Variants in PRMT6 observed in about 807,000 individuals in gnomAD.
The protein encoded by PRMT6 is protein arginine N-methyltransferase 6.
A neutral mutation model predicts 30.5 loss-of-function variants in PRMT6; 23 were observed. The ratio of observed to expected loss-of-function variants is 0.75; its 90% CI spans 0.54 to 1.07. The LOEUF (loss-of-function observed/expected upper bound fraction) is 1.07, where lower values mean the gene tolerates loss of function less well. Among genes scored for constraint, PRMT6 ranks in the 50% least tolerant of loss-of-function variants. The pLI is 0.00. For missense variants in PRMT6, 528 were observed against 514.3 expected (o/e 1.03, Z -0.26); for synonymous variants, 265 against 228.0 (o/e 1.16, Z -1.46).
At position 107,057,738 on chromosome 1, in the gene PRMT6, C is replaced by A. The variant is rs1651764221; in HGVS notation, c.1023C>A (p.Ile341=). 1 of 1,614,076 alleles carries A rather than the reference C, an allele frequency of 6.2e-7. No individual in the cohort carries two copies. Among genetic ancestry groups the A allele is most frequent in the Non-Finnish European group, 8.5e-7 (1 of 1,180,018 alleles). The change falls in exon 1 of 1, where the codon ATC becomes ATA. Residue 341 remains isoleucine, a synonymous_variant. Transcript: ENST00000370078. The part of the protein sequence containing the change: ...VEQDTDVSGE[I]TLLPSRDNPR... ...AAGACACGGACGTTTCAGGAGAGATCACGCTGCTGCCCTCCCGGGACAACC... is the reference window on the plus strand; with the variant it reads ...AAGACACGGACGTTTCAGGAGAGATAACGCTGCTGCCCTCCCGGGACAACC...
rs1300288899 is a variant in PRMT6, at chr1:107,058,771, CT to C, written c.*929del. The C allele has an allele frequency of 2.4e-5, 4 of 167,082 alleles. No homozygotes were observed. The highest frequency in any genetic ancestry group is 9.6e-5 in the African/African-American group (4 of 41,456). The allele number at this position is 167,082 out of a possible 1,614,324, so 10.3% of individuals were successfully genotyped here. ...TTAATTAAGGAAAATATTTTCCCAG[CT>C]AGAAAAGTATACTCATTCTCATTTA... On this transcript the variant is annotated 3_prime_UTR_variant, in exon 1 of 1. Transcript: ENST00000370078.
chr1:107,056,900 C>G lies in PRMT6; in HGVS notation c.185C>G (p.Ala62Gly). Reference protein sequence around the residue: ...SDVSVHEEMIADRVRTDAYRL... With the variant: ...SDVSVHEEMIGDRVRTDAYRL... ...GTTTCGGTCCACGAGGAGATGATCG[C>G]GGACCGCGTCCGCACCGATGCCTAC... Residue 62 changes from alanine (A) to glycine (G), a missense_variant, in exon 1 of 1, where the codon GCG becomes GGG. Physicochemically the swap from Ala to Gly is moderately conservative, Grantham distance 60. Transcript: ENST00000370078. The G allele has an allele frequency of 6.2e-7, 1 of 1,612,826 alleles. No individual in the cohort carries two copies. The highest frequency in any genetic ancestry group is 8.5e-7 in the Non-Finnish European group (1 of 1,179,316).
chr1:107,057,221 C>T lies in PRMT6; in HGVS notation c.506C>T (p.Ser169Phe). 1 of 1,613,786 alleles carries T rather than the reference C, an allele frequency of 6.2e-7. No individual in the cohort carries two copies. Among genetic ancestry groups the T allele is most frequent in the South Asian group, 1.1e-5 (1 of 91,084 alleles). Residue 169 changes from serine (S) to phenylalanine (F), a missense_variant, in exon 1 of 1, where the codon TCC becomes TTC. Ser to Phe is a radical substitution (Grantham distance 155). Coordinates refer to ENST00000370078, the MANE Select transcript of PRMT6 (RefSeq NM_018137.3). ...YGLLHESMLS[S>F]VLHARTKWLK... ...CTCCTGCACGAGTCCATGCTGAGCT[C>T]CGTCCTCCACGCGCGAACCAAGTGG...
In PRMT6 at chr1:107,057,378, CCT is replaced by C. The variant is rs1651749884; in HGVS notation, c.664_665del (p.Leu222GlyfsTer197). 7.4e-6 allele frequency: 12 copies of C among 1,613,728 alleles called. No individual in the cohort carries two copies. The highest frequency in any genetic ancestry group is 1.0e-5 in the Non-Finnish European group (12 of 1,180,044). On this transcript the variant is annotated frameshift_variant, in exon 1 of 1. Coordinates refer to ENST00000370078, the MANE Select transcript of PRMT6 (RefSeq NM_018137.3). LOFTEE classifies it high-confidence loss of function. ...AGCACTATGGTGTGGACATGAGCTG[CCT>C]GGAGGGCTTCGCCACGCGCTGTCTC... The part of the protein sequence containing the change: ...KQHYGVDMSC[L>X]EGFATRCLMG...
Position 107,057,023 on chromosome 1 carries a change from C to A in PRMT6, c.308C>A (p.Ala103Asp). ...TGILSIFCAQ[A>D]GARRVYAVEA... ...ATTCTGAGCATCTTCTGTGCCCAGG[C>A]CGGGGCCCGGCGCGTGTACGCGGTA... is the stretch of plus-strand genomic sequence containing the variant. Residue 103 changes from alanine (A) to aspartate (D), a missense_variant, in exon 1 of 1, where the codon GCC becomes GAC. Physicochemically the swap from Ala to Asp is moderately radical, Grantham distance 126 (BLOSUM62 -2). Coordinates refer to ENST00000370078, the MANE Select transcript of PRMT6 (RefSeq NM_018137.3). 6.2e-7 allele frequency: 1 copy of A among 1,613,386 alleles called. No homozygotes were observed. The highest frequency in any genetic ancestry group is 8.5e-7 in the Non-Finnish European group (1 of 1,179,798).
chr1:107,057,101 T>C lies in PRMT6; in HGVS notation c.386T>C (p.Leu129Pro), dbSNP rs1350712067. 1 of 1,607,792 alleles carries C rather than the reference T, an allele frequency of 6.2e-7. No individual in the cohort carries two copies. Among genetic ancestry groups the C allele is most frequent in the Non-Finnish European group, 8.5e-7 (1 of 1,179,694 alleles). ...CGGGAGGTGGTGCGGTTCAACGGGC[T>C]GGAGGACCGGGTGCACGTCCTGCCG... is the stretch of plus-strand genomic sequence containing the variant. The part of the protein sequence containing the change: ...QAREVVRFNG[L>P]EDRVHVLPGP... The change falls in exon 1 of 1, where the codon CTG (leucine) becomes CCG (proline). Residue 129 changes from leucine (L) to proline (P), a missense_variant. Physicochemically the swap from Leu to Pro is moderately conservative, Grantham distance 98 (BLOSUM62 -3). Transcript: ENST00000370078.
rs779488720 is a variant in PRMT6, at chr1:107,057,984, G to T, written c.*141G>T. On this transcript the variant is annotated 3_prime_UTR_variant, in exon 1 of 1. Coordinates refer to ENST00000370078, the MANE Select transcript of PRMT6 (RefSeq NM_018137.3). Reference sequence around the variant, plus strand: ...TTTTCCCTCATAGCCTCTAGGGAGGGAGAGTGACTTCATTCTCCATTTGAA... The same window carrying T: ...TTTTCCCTCATAGCCTCTAGGGAGGTAGAGTGACTTCATTCTCCATTTGAA... The T allele has an allele frequency of 1.8e-6, 2 of 1,127,474 alleles. No individual in the cohort carries two copies. Among genetic ancestry groups the T allele is most frequent in the Admixed American group, 2.3e-5 (1 of 42,744 alleles). The allele number at this position is 1,127,474 out of a possible 1,614,324, so 69.8% of individuals were successfully genotyped here.
chr1:107,057,459 C>T lies in PRMT6; in HGVS notation c.744C>T (p.Ala248=). 6.2e-7 allele frequency: 1 copy of T among 1,612,704 alleles called. No individual in the cohort carries two copies. Among genetic ancestry groups the T allele is most frequent in the Non-Finnish European group, 8.5e-7 (1 of 1,179,376 alleles). ...VQGLSGEDVL[A]RPQRFAQLEL... ...GATTGTCCGGCGAGGACGTGCTGGC[C>T]CGGCCGCAGCGCTTTGCTCAGCTAG... The change falls in exon 1 of 1, where the codon GCC becomes GCT. Residue 248 remains alanine, a synonymous_variant. Coordinates refer to ENST00000370078, the MANE Select transcript of PRMT6 (RefSeq NM_018137.3).
rs1651773711 is a variant in PRMT6, at chr1:107,058,076, A to G, written c.*233A>G. ...CAACAACGGATACAGCGTGCTTATT[A>G]TTGGGCATTTAGCCTCAAAAGCATG... On this transcript the variant is annotated 3_prime_UTR_variant, in exon 1 of 1. Coordinates refer to ENST00000370078, the MANE Select transcript of PRMT6 (RefSeq NM_018137.3). 5 of 615,092 alleles carry G rather than the reference A, an allele frequency of 8.1e-6. No individual in the cohort carries two copies. The highest frequency in any genetic ancestry group is 1.4e-5 in the Non-Finnish European group (5 of 345,200). 38.1% of individuals were successfully genotyped at this position (615,092 alleles called of 1,614,324 possible).
At position 107,057,664 on chromosome 1, in the gene PRMT6, C is replaced by A. The variant is rs1651762168; in HGVS notation, c.949C>A (p.His317Asn). The stretch of plus-strand genomic sequence containing the variant: ...CACCTCGCCTTTTCACCCGGCCACT[C>A]ACTGGAAACAGGCGCTCCTCTACCT... ...LSTSPFHPAT[H>N]WKQALLYLNE... The change falls in exon 1 of 1, where the codon CAC (histidine) becomes AAC (asparagine). Residue 317 changes from histidine (H) to asparagine (N), a missense_variant. Physicochemically the swap from His to Asn is moderately conservative, Grantham distance 68. Coordinates refer to ENST00000370078, the MANE Select transcript of PRMT6 (RefSeq NM_018137.3). 1 of 1,614,236 alleles carries A rather than the reference C, an allele frequency of 6.2e-7. No individual in the cohort carries two copies. Among genetic ancestry groups the A allele is most frequent in the Non-Finnish European group, 8.5e-7 (1 of 1,180,048 alleles).
At position 107,057,904 on chromosome 1, in the gene PRMT6, C is replaced by CGAGGTCG. The variant is rs1557731842; in HGVS notation, c.*66_*72dup. On this transcript the variant is annotated 3_prime_UTR_variant, in exon 1 of 1. Coordinates refer to ENST00000370078, the MANE Select transcript of PRMT6 (RefSeq NM_018137.3). Reference sequence around the variant, plus strand: ...CCTGACCTGCGTGGGAGAGGCGTAGCGAGGTCGGAGGGGAAAGGGAGATCC... The same window carrying CGAGGTCG: ...CCTGACCTGCGTGGGAGAGGCGTAGCGAGGTCGGAGGTCGGAGGGGAAAGGGAGATCC... 6.4e-7 allele frequency: 1 copy of CGAGGTCG among 1,550,870 alleles called. No homozygotes were observed. The highest frequency in any genetic ancestry group is 2.0e-5 in the Admixed American group (1 of 51,012).
chr1:107,057,544 T>G lies in PRMT6; in HGVS notation c.829T>G (p.Cys277Gly), dbSNP rs775571733. The change falls in exon 1 of 1, where the codon TGC (cysteine) becomes GGC (glycine). Residue 277 changes from cysteine to glycine, a missense_variant. By Grantham distance (159) the Cys-to-Gly change is radical (BLOSUM62 -3). Transcript: ENST00000370078. ...LEAGVGGRFR[C>G]SCYGSAPMHG... ...GGCCGGAGTGGGCGGGCGCTTCCGC[T>G]GCAGCTGCTATGGCTCGGCGCCCAT... 1.2e-5 allele frequency: 19 copies of G among 1,613,712 alleles called. No homozygotes were observed. Among genetic ancestry groups the G allele is most frequent in the Non-Finnish European group, 1.4e-5 (17 of 1,179,954 alleles).
chr1:107,056,819 G>A lies in PRMT6; in HGVS notation c.104G>A (p.Arg35Gln). ...DGAEREAALE[R>Q]PRRTKRERDQ... ...GCGGAGCGGGAGGCGGCCCTGGAGC[G>A]ACCCCGGAGGACTAAGCGGGAACGG... The change falls in exon 1 of 1, where the codon CGA becomes CAA. Residue 35 changes from arginine (R) to glutamine (Q), a missense_variant. Coordinates refer to ENST00000370078, the MANE Select transcript of PRMT6 (RefSeq NM_018137.3). 1 of 1,599,088 alleles carries A rather than the reference G, an allele frequency of 6.3e-7. No individual in the cohort carries two copies. Among genetic ancestry groups the A allele is most frequent in the South Asian group, 1.1e-5 (1 of 89,240 alleles).
rs1490445798 is a variant in PRMT6, at chr1:107,056,683, T to G, written c.-33T>G. ...TCCTGGAGCCCGCGCCGTGCCGCGCTACGCCCGCCGGGAGCCGGGCAGAGC... is the reference window on the plus strand; with the variant it reads ...TCCTGGAGCCCGCGCCGTGCCGCGCGACGCCCGCCGGGAGCCGGGCAGAGC... On this transcript the variant is annotated 5_prime_UTR_variant, in exon 1 of 1. Transcript: ENST00000370078. The G allele has an allele frequency of 6.8e-7, 1 of 1,466,992 alleles. No homozygotes were observed. The highest frequency in any genetic ancestry group is 9.0e-7 in the Non-Finnish European group (1 of 1,107,756). 90.9% of individuals were successfully genotyped at this position (1,466,992 alleles called of 1,614,324 possible).
In PRMT6 at chr1:107,059,063, G is replaced by A. The variant is rs1026908978; in HGVS notation, c.*1220G>A. The stretch of plus-strand genomic sequence containing the variant: ...AGGTAAAAAGTCTTGTGTGCTGTGA[G>A]TTATAATGCTTTTGCCTTTTTAATA... On this transcript the variant is annotated 3_prime_UTR_variant, in exon 1 of 1. Coordinates refer to ENST00000370078, the MANE Select transcript of PRMT6 (RefSeq NM_018137.3). 5.4e-5 allele frequency: 9 copies of A among 167,016 alleles called. No individual in the cohort carries two copies. The highest frequency in any genetic ancestry group is 2.0e-4 in the Admixed American group (3 of 15,282). The allele number at this position is 167,016 out of a possible 1,614,324, so 10.3% of individuals were successfully genotyped here.
Position 107,057,889 on chromosome 1 carries a change from G to T in PRMT6, c.*46G>T. 5 of 1,552,494 alleles carry T rather than the reference G, an allele frequency of 3.2e-6. No individual in the cohort carries two copies. The highest frequency in any genetic ancestry group is 4.4e-6 in the Non-Finnish European group (5 of 1,147,330). On this transcript the variant is annotated 3_prime_UTR_variant, in exon 1 of 1. Coordinates refer to ENST00000370078, the MANE Select transcript of PRMT6 (RefSeq NM_018137.3). Reference sequence around the variant, plus strand: ...TACCTCCCAAAGCAGCCTGACCTGCGTGGGAGAGGCGTAGCGAGGTCGGAG... The same window carrying T: ...TACCTCCCAAAGCAGCCTGACCTGCTTGGGAGAGGCGTAGCGAGGTCGGAG...
Position 107,058,006 on chromosome 1 carries a change from T to G in PRMT6, c.*163T>G. 1 of 930,912 alleles carries G rather than the reference T, an allele frequency of 1.1e-6. No individual in the cohort carries two copies. The highest frequency in any genetic ancestry group is 1.6e-6 in the Non-Finnish European group (1 of 611,070). 57.7% of individuals were successfully genotyped at this position (930,912 alleles called of 1,614,324 possible). A position where few individuals can be genotyped will look rare whatever the true frequency, so the allele number is the denominator to read the frequency against. On this transcript the variant is annotated 3_prime_UTR_variant, in exon 1 of 1. Coordinates refer to ENST00000370078, the MANE Select transcript of PRMT6 (RefSeq NM_018137.3). Reference sequence around the variant, plus strand: ...AGGGAGAGTGACTTCATTCTCCATTTGAAGAGATTCTTCTGGTGATGTTTA... The same window carrying G: ...AGGGAGAGTGACTTCATTCTCCATTGGAAGAGATTCTTCTGGTGATGTTTA...
At position 107,058,267 on chromosome 1, in the gene PRMT6, A is replaced by C; in HGVS notation, c.*424A>C. The C allele has an allele frequency of 3.8e-6, 1 of 261,126 alleles. No individual in the cohort carries two copies. The highest frequency in any genetic ancestry group is 8.0e-6 in the Non-Finnish European group (1 of 125,078). 16.2% of individuals were successfully genotyped at this position (261,126 alleles called of 1,614,324 possible). A position where few individuals can be genotyped will look rare whatever the true frequency, so the allele number is the denominator to read the frequency against. ...AAAGGGGTTCATTTAGACTTCATAC[A>C]TTTCCAGTACGACTTTAGTATCTCT... On this transcript the variant is annotated 3_prime_UTR_variant, in exon 1 of 1. Transcript: ENST00000370078.
Position 107,057,300 on chromosome 1 carries a change from C to G in PRMT6, c.585C>G (p.Pro195=), listed in dbSNP as rs778175587. 1 of 1,614,046 alleles carries G rather than the reference C, an allele frequency of 6.2e-7. No homozygotes were observed. The highest frequency in any genetic ancestry group is 2.2e-5 in the East Asian group (1 of 44,880). Residue 195 remains proline (P), a synonymous_variant, in exon 1 of 1, where the codon CCC becomes CCG. Transcript: ENST00000370078. ...LPASAELFIA[P]ISDQMLEWRL... ...CCTCCGCCGAGCTCTTCATAGCCCC[C>G]ATCAGCGACCAGATGCTGGAATGGC... is the stretch of plus-strand genomic sequence containing the variant.
Sources: gnomAD v4.1 joint callset for allele counts on GRCh38, gnomAD v4.1.1 for gene constraint, MANE v1.5 for transcripts, NCBI Gene and HGNC (gene_info 2026-07-23, HGNC 2026-07-21) for gene names.